Variants in NEK4 observed in about 807,000 individuals in gnomAD.
NEK4 encodes the protein serine/threonine-protein kinase Nek4.
Under a neutral mutation model 98.4 loss-of-function variants are expected in NEK4, and 86 were observed. The observed-to-expected ratio is 0.87, with a 90% CI of 0.73 to 1.05. NEK4 has a LOEUF of 1.05. Among genes scored for constraint, NEK4 ranks in the 50% least tolerant of loss-of-function variants. The pLI, the probability that NEK4 is intolerant of heterozygous loss-of-function variation, is 0.00. For missense variants in NEK4, 898 were observed against 950.3 expected (o/e 0.94, Z 0.72); for synonymous variants, 328 against 342.2 (o/e 0.96, Z 0.46).
chr3:52,728,267 T>C (rs2097366394), intron 15 of NEK4, among the ~76,000 whole-genome samples: 1 of 152,152 alleles, frequency 6.6e-6, no homozygotes, highest in South Asian at 2.1e-4. Flanking sequence ...TCCCAGCTAT[T>C]CTAGAGGCTG....
intron 6 of NEK4, among the ~76,000 whole-genome samples, chr3:52,753,036 A>G (rs1435005123): frequency 6.6e-6 from 1 of 151,176 alleles, no homozygotes; most frequent in Non-Finnish European, 1.5e-5. Flanking sequence ...CATGCTAAGT[A>G]AAATAAGCCA....
intron 15 of NEK4, among the ~76,000 whole-genome samples, chr3:52,732,162 T>C (rs553079675): frequency 6.6e-6 from 1 of 152,304 alleles, no homozygotes; most frequent in East Asian, 1.9e-4. Flanking sequence ...ATTACAGGCA[T>C]GAGCCACCCA....
chr3:52,746,080 C>T lies in NEK4; in HGVS notation c.1808G>A (p.Ser603Asn), dbSNP rs141109721. ...ACAAACCTTTGATGATGACATCTCA[C>T]TGCTCCTTGAACTGCTCACAGACCC... ...VTGSVSSSRSSEMSSSKDRPL... is the reference protein window; with the variant it reads ...VTGSVSSSRSNEMSSSKDRPL... The change falls in exon 10 of 16, where the codon AGT (serine) becomes AAT (asparagine). Residue 603 changes from serine (S) to asparagine (N), a missense_variant. Physicochemically the swap from Ser to Asn is conservative, Grantham distance 46. Coordinates refer to ENST00000233027, the MANE Select transcript of NEK4 (RefSeq NM_003157.6). 19 of 1,613,930 alleles carry T rather than the reference C, an allele frequency of 1.2e-5. No homozygotes were observed. The highest frequency in any genetic ancestry group is 4.5e-5 in the East Asian group (2 of 44,886).
intron 10 of NEK4, among the ~76,000 whole-genome samples, chr3:52,745,726 G>A (rs188914017): frequency 1.1e-3 from 173 of 152,184 alleles, no homozygotes; most frequent in African/African-American, 3.8e-3. Flanking sequence ...GAAGGTTTTG[G>A]AGGGTTTCTG....
chr3:52,765,933 T>C lies in NEK4; in HGVS notation c.620A>G (p.Asn207Ser), dbSNP rs202108231. 5.9e-5 allele frequency: 95 copies of C among 1,612,760 alleles called. No homozygotes were observed. Among genetic ancestry groups the C allele is most frequent in the Middle Eastern group, 1.6e-4 (1 of 6,084 alleles). Reference sequence around the variant, plus strand: ...AACTAAAGAATTCATATCTTTTGCATTGAAAGCATGCTTCAAGGTGGCCAT... The same window carrying C: ...AACTAAAGAATTCATATCTTTTGCACTGAAAGCATGCTTCAAGGTGGCCAT... ...YEMATLKHAF[N>S]AKDMNSLVYR... Residue 207 changes from asparagine (N) to serine (S), a missense_variant, in exon 4 of 16, where the codon AAT becomes AGT. Coordinates refer to ENST00000233027, the MANE Select transcript of NEK4 (RefSeq NM_003157.6).
At chr3:52,738,731 C>CG (rs2097380660) in intron 14 of NEK4, among the ~76,000 whole-genome samples, 1 of 152,098 alleles carries the variant, frequency 6.6e-6, no homozygotes, top group Non-Finnish European at 1.5e-5. Flanking sequence ...CATGAGCCAC[C>CG]GTACCCAGCA....
intron 6 of NEK4, among the ~76,000 whole-genome samples, chr3:52,758,175 T>C (rs1698202576): frequency 1.6e-5 from 1 of 60,804 alleles, no homozygotes; most frequent in Non-Finnish European, 2.8e-5. Context: ...CAAGACACCA[T>C]CTCAAAAAAA....
intron 5 of NEK4, 141 bp downstream of exon 5, chr3:52,763,329 C>T (rs1698426745): frequency 1.1e-5 from 9 of 795,734 alleles, no homozygotes; most frequent in Admixed American, 8.1e-5. Context: ...AGAATTTTGC[C>T]TCCTCTACAT....
At chr3:52,763,352 C>G in intron 5 of NEK4, 118 bp downstream of exon 5, 1 of 1,070,338 alleles carries the variant, frequency 9.3e-7, no homozygotes, top group Non-Finnish European at 1.3e-6. Context: ...GTAATCATGC[C>G]ATTTTATTTC....
chr3:52,758,931 A>G (rs1358066307), intron 6 of NEK4, among the ~76,000 whole-genome samples: 1 of 151,950 alleles, frequency 6.6e-6, no homozygotes, highest in African/African-American at 2.4e-5. Context: ...TACAAAAATA[A>G]TCATAATAAT....
intron 1 of NEK4, among the ~76,000 whole-genome samples, chr3:52,770,108 G>C (rs1698719914): frequency 6.6e-6 from 1 of 152,126 alleles, no homozygotes; most frequent in South Asian, 2.1e-4. Flanking sequence ...AATGACTCCA[G>C]GTGTCCGGCT....
At chr3:52,765,450 G>A (rs1698523432) in intron 4 of NEK4, among the ~76,000 whole-genome samples, 1 of 151,852 alleles carries the variant, frequency 6.6e-6, no homozygotes, top group Admixed American at 6.6e-5. Flanking sequence ...CAGTCACTCT[G>A]GAGTCTATAT....
rs1190227048 is a variant in NEK4, at chr3:52,726,839, G to A, written c.2433+10747C>T. 2.6e-5 allele frequency among the ~76,000 whole-genome samples: 4 copies of A among 152,050 alleles called. No homozygotes were observed. The East Asian group carries it at 7.7e-4, about 29-fold the overall frequency. On this transcript the variant is annotated intron_variant, in intron 15 of 15. Coordinates refer to ENST00000233027, the MANE Select transcript of NEK4 (RefSeq NM_003157.6). ...GAACTGCTTGTACCTGGGAGGCGGA[G>A]GTTGCAGTGAGCTGAGATGGCGCCA...
rs1280672997 is a variant in NEK4, at chr3:52,744,291, T to A, written c.1842A>T (p.Ser614=). The A allele has an allele frequency of 6.2e-7, 1 of 1,613,708 alleles. No individual in the cohort carries two copies. Among genetic ancestry groups the A allele is most frequent in the Admixed American group, 1.7e-5 (1 of 60,010 alleles). ...GCTTTAGTCGCCTCCTCTCTCTGGC[T>A]GATAATGGTCGATCCTTTAAAAGAA... ...EMSSSKDRPL[S]ARERRRLKQS... Residue 614 remains serine (S), a synonymous_variant, in exon 11 of 16, where the codon TCA becomes TCT. Transcript: ENST00000233027.
At chr3:52,736,322 C>G (rs138161554) in intron 15 of NEK4, among the ~76,000 whole-genome samples, 6,023 of 152,230 alleles carry the variant, frequency 0.04, 402 homozygotes, top group African/African-American at 0.14. Flanking sequence ...CCTGGTGGCT[C>G]ACGCCTGTAA....
Position 52,752,026 on chromosome 3 carries a change from A to G in NEK4, c.1274T>C (p.Ile425Thr). ...GACAATGTCAGAGGACCACATGGGA[A>G]TCAGGTTTTCAGGCTGGGCACTGGA... ...TKSSAQPENL[I>T]PMWSSDIVTG... Residue 425 changes from isoleucine (I) to threonine (T), a missense_variant, in exon 7 of 16, where the codon ATT (isoleucine) becomes ACT (threonine). Physicochemically the swap from Ile to Thr is moderately conservative, Grantham distance 89. Coordinates refer to ENST00000233027, the MANE Select transcript of NEK4 (RefSeq NM_003157.6). 6.2e-7 allele frequency: 1 copy of G among 1,614,212 alleles called. No homozygotes were observed. Among genetic ancestry groups the G allele is most frequent in the Non-Finnish European group, 8.5e-7 (1 of 1,180,028 alleles).
chr3:52,752,929 T>TACACACACACACACACAC (rs1215610708), intron 6 of NEK4, among the ~76,000 whole-genome samples: 11 of 49,738 alleles, frequency 2.2e-4, no homozygotes, highest in African/African-American at 5.6e-4. Context: ...TATATATATA[T>TACACACACACACACACAC]ATATACACAC....
intron 15 of NEK4, chr3:52,732,823 C>T (rs1224316489): frequency 4.2e-6 from 1 of 237,046 alleles, no homozygotes; most frequent in East Asian, 1.1e-4. Context: ...GGGAATGCAT[C>T]AAAGGTGTGA....
chr3:52,756,809 A>T (rs1578688813), intron 6 of NEK4, among the ~76,000 whole-genome samples: 1 of 152,354 alleles, frequency 6.6e-6, no homozygotes, highest in East Asian at 1.9e-4. Flanking sequence ...CAGAGTAAAA[A>T]GGTAACCCAC....
Sources: allele counts gnomAD v4.1 joint callset (sites outside exome capture counted in the v4.1 genomes callset), GRCh38; gene constraint gnomAD v4.1.1; transcripts MANE v1.5; gene names NCBI Gene and HGNC (gene_info 2026-07-23, HGNC 2026-07-21).